STRN3: variants seen among roughly 807,000 people sequenced by gnomAD.
STRN3 encodes striatin-3.
In STRN3, 29 loss-of-function variants were observed where a neutral mutation model predicts 95.6. That is an observed-to-expected ratio of 0.30 (90% CI 0.23 to 0.41). The LOEUF (loss-of-function observed/expected upper bound fraction) is 0.41. Ranked by LOEUF, STRN3 falls within the 10% of genes least tolerant of loss-of-function variation. The probability of loss-of-function intolerance (pLI) is 1.00; values close to 1 mark genes in which losing one functional copy is unlikely to be tolerated. For synonymous variants in STRN3, 331 were observed against 357.6 expected (o/e 0.93, Z 0.84); for missense variants, 890 against 972.1 (o/e 0.92, Z 1.12).
intron 5 of STRN3, among the ~76,000 whole-genome samples, chr14:30,939,639 C>T (rs1878996641): frequency 6.6e-6 from 1 of 151,996 alleles, no homozygotes; most frequent in South Asian, 2.1e-4. Flanking sequence ...GAAAAAAAGC[C>T]AAATAGTTCT....
chr14:31,018,310 C>A (rs1412208163), intron 1 of STRN3: 1 of 254,248 alleles, frequency 3.9e-6, no homozygotes, highest in South Asian at 4.2e-5. Flanking sequence ...GCAGGGTGGG[C>A]ACCATGTTGC....
chr14:30,895,665 C>G lies in STRN3; in HGVS notation c.2221G>C (p.Gly741Arg), dbSNP rs769209110. Residue 741 changes from glycine to arginine, a missense_variant, in exon 17 of 18, where the codon GGA becomes CGA. Physicochemically the swap from Gly to Arg is moderately radical, Grantham distance 125 (BLOSUM62 -2). Coordinates refer to ENST00000357479, the MANE Select transcript of STRN3 (RefSeq NM_001083893.2). ...AGTACAGGACTTTAAGACTTACTTC[C>G]AGACATCAAATAGATTCCATTAGGA... ...VDPNGIYLMS[G>R]SHDCSIRLWN... 1.2e-6 allele frequency: 2 copies of G among 1,613,346 alleles called. No homozygotes were observed. Among genetic ancestry groups the G allele is most frequent in the Non-Finnish European group, 1.7e-6 (2 of 1,179,778 alleles).
chr14:30,959,249 G>A (rs968294829), intron 1 of STRN3, among the ~76,000 whole-genome samples: 13 of 152,102 alleles, frequency 8.5e-5, no homozygotes, highest in African/African-American at 2.2e-4. Context: ...TCATTTGAGC[G>A]GAGGGGTCGA....
chr14:30,984,004 G>A (rs1336875499), intron 1 of STRN3, among the ~76,000 whole-genome samples: 1 of 151,720 alleles, frequency 6.6e-6, no homozygotes, highest in Non-Finnish European at 1.5e-5. Context: ...TTGCGTCTAG[G>A]AAGGGAAGGA....
At chr14:31,003,744 C>G (rs1401900860) in intron 1 of STRN3, among the ~76,000 whole-genome samples, 1 of 143,758 alleles carries the variant, frequency 7.0e-6, no homozygotes, top group Non-Finnish European at 1.5e-5. Flanking sequence ...CTGAAGTGTT[C>G]CTTATAGCAA....
intron 10 of STRN3, 48 bp downstream of exon 10, chr14:30,913,476 G>C: frequency 6.7e-7 from 1 of 1,495,628 alleles, no homozygotes; most frequent in Non-Finnish European, 8.9e-7. Context: ...AAAAAATAAG[G>C]AGCCTTCTAT....
chr14:30,924,287 CTTT>C (rs71112354), intron 8 of STRN3, among the ~76,000 whole-genome samples: 12,626 of 77,014 alleles, frequency 0.16, 930 homozygotes, highest in East Asian at 0.31. Context: ...TGCCTTAAAT[CTTT>C]TTTTTTTTTT....
In STRN3 at chr14:30,950,927, C is replaced by G. The variant is rs757451203; in HGVS notation, c.478G>C (p.Glu160Gln). The change falls in exon 4 of 18, where the codon GAG becomes CAG. Residue 160 changes from glutamate to glutamine, a missense_variant. Transcript: ENST00000357479. ...TFESEETKDTEAPTAPQNSQL... is the reference protein window; with the variant it reads ...TFESEETKDTQAPTAPQNSQL... ...CTATTCTGAGGTGCTGTGGGAGCCT[C>G]TGTGTCTTTGGTTTCTTCTAAAAAT... The G allele has an allele frequency of 1.5e-5, 24 of 1,613,296 alleles. No individual in the cohort carries two copies. In the South Asian group the frequency reaches 2.6e-4, roughly 18 times the overall value.
At chr14:31,004,744 GC>G (rs1882637826) in intron 1 of STRN3, among the ~76,000 whole-genome samples, 1 of 152,082 alleles carries the variant, frequency 6.6e-6, no homozygotes, top group Non-Finnish European at 1.5e-5. Context: ...TTGCACTGCA[GC>G]CTGGGCAACA....
chr14:31,015,140 CTTTTA>C (rs1233389475), intron 1 of STRN3, among the ~76,000 whole-genome samples: 1 of 152,038 alleles, frequency 6.6e-6, no homozygotes, highest in Non-Finnish European at 1.5e-5. Context: ...CTCACACCCA[CTTTTA>C]TTTATTTACT....
intron 1 of STRN3, among the ~76,000 whole-genome samples, chr14:31,013,310 T>A (rs573170052): frequency 6.7e-6 from 1 of 150,088 alleles, no homozygotes; most frequent in East Asian, 2.0e-4. Context: ...GAGATAGAGG[T>A]CGCAGCCAGC....
chr14:30,917,286 C>A (rs1594432819), intron 9 of STRN3, among the ~76,000 whole-genome samples: 1 of 152,310 alleles, frequency 6.6e-6, no homozygotes, highest in Non-Finnish European at 1.5e-5. Flanking sequence ...TATATTCTTT[C>A]TTTAAAACAC....
chr14:30,925,567 G>A (rs1335701550), intron 8 of STRN3, among the ~76,000 whole-genome samples: 6 of 151,948 alleles, frequency 3.9e-5, no homozygotes, highest in Non-Finnish European at 5.9e-5. Context: ...AATCAAGGTT[G>A]GTAAATGTAT....
chr14:31,026,341 G>C lies in STRN3; in HGVS notation c.-156C>G. 1 of 703,752 alleles carries C rather than the reference G, an allele frequency of 1.4e-6. No homozygotes were observed. The highest frequency in any genetic ancestry group is 2.0e-6 in the Non-Finnish European group (1 of 488,518). The allele number at this position is 703,752 out of a possible 1,614,324, so 43.6% of individuals were successfully genotyped here. A position where few individuals can be genotyped will look rare whatever the true frequency, so the allele number is the denominator to read the frequency against. On this transcript the variant is annotated 5_prime_UTR_variant, in exon 1 of 18. Transcript: ENST00000357479. ...TGTGCCTGCCGTGGGTCAGAGCAGG[G>C]AGCTGCCGGCTGCCGCCATTACAAT... is the stretch of plus-strand genomic sequence containing the variant.
intron 1 of STRN3, among the ~76,000 whole-genome samples, chr14:31,007,316 C>T (rs1258366522): frequency 1.3e-5 from 2 of 152,282 alleles, no homozygotes; most frequent in Admixed American, 6.5e-5. Flanking sequence ...CAAGCACATA[C>T]ACAAAAGGCA....
rs118139064 is a variant in STRN3 at position 30,933,640 on chromosome 14, T to C, written c.988+1523A>G. Among the ~76,000 whole-genome samples, 79 of 152,324 alleles carry C rather than the reference T, an allele frequency of 5.2e-4. No individual in the cohort carries two copies. The East Asian group carries it at 0.014, about 27-fold the overall frequency. On this transcript the variant is annotated intron_variant, in intron 7 of 17. Coordinates refer to ENST00000357479, the MANE Select transcript of STRN3 (RefSeq NM_001083893.2). ...CTGATTTTGAAGAAAGGTACCCTTC[T>C]AAACCACAATCATTTTCAAATAGTA...
At chr14:31,004,756 A>C (rs960404568) in intron 1 of STRN3, among the ~76,000 whole-genome samples, 1 of 151,864 alleles carries the variant, frequency 6.6e-6, no homozygotes, top group African/African-American at 2.4e-5. Flanking sequence ...CTGGGCAACA[A>C]GAGTGAAACT....
At chr14:30,989,096 T>C (rs1881828176) in intron 1 of STRN3, among the ~76,000 whole-genome samples, 1 of 152,298 alleles carries the variant, frequency 6.6e-6, no homozygotes, top group South Asian at 2.1e-4. Flanking sequence ...AAGACTCATA[T>C]GAAAAGGAAT....
chr14:30,915,280 T>C (rs190612319), intron 9 of STRN3, among the ~76,000 whole-genome samples: 3 of 152,146 alleles, frequency 2.0e-5, no homozygotes, highest in Non-Finnish European at 2.9e-5. Context: ...TTCATATATA[T>C]ACTATGGCAA....
Sources: allele counts gnomAD v4.1 joint callset (sites outside exome capture counted in the v4.1 genomes callset), GRCh38; gene constraint gnomAD v4.1.1; transcripts MANE v1.5; gene names NCBI Gene and HGNC (gene_info 2026-07-23, HGNC 2026-07-21).